ZNF800: variants seen among roughly 807,000 people sequenced by gnomAD.
ZNF800 encodes the protein zinc finger protein 800.
Under a neutral mutation model 59.5 loss-of-function variants are expected in ZNF800, and 13 were observed. That is an observed-to-expected ratio of 0.22 (90% CI 0.14 to 0.35). ZNF800 has a LOEUF of 0.35. Ranked by LOEUF, ZNF800 falls within the 10% of genes least tolerant of loss-of-function variation. The probability of loss-of-function intolerance (pLI) is 1.00; values close to 1 mark genes in which losing one functional copy is unlikely to be tolerated. For missense variants in ZNF800, 621 were observed against 783.7 expected (o/e 0.79, Z 2.48); for synonymous variants, 266 against 265.7 (o/e 1.00, Z -0.01).
rs891888428 is a variant in ZNF800 at position 127,370,430 on chromosome 7, T to C, written c.*1384A>G. The C allele has an allele frequency of 6.5e-6, 1 of 152,736 alleles. No homozygotes were observed. Among genetic ancestry groups the C allele is most frequent in the South Asian group, 2.1e-4 (1 of 4,834 alleles). The allele number at this position is 152,736 out of a possible 1,614,324, so 9.5% of individuals were successfully genotyped here. A position where few individuals can be genotyped will look rare whatever the true frequency, so the allele number is the denominator to read the frequency against. On this transcript the variant is annotated 3_prime_UTR_variant, in exon 6 of 6. Transcript: ENST00000265827. The stretch of plus-strand genomic sequence containing the variant: ...CCAACAAGAGCATGTACATTCAATA[T>C]AGAACATTTCCAGCAATAGTTACAG...
intron 1 of ZNF800, chr7:127,361,812 A>T (rs1333200716): frequency 6.6e-6 from 1 of 152,154 alleles, no homozygotes; most frequent in Non-Finnish European, 1.5e-5. Context: ...TCTAAATATA[A>T]TCTATTCTTG....
chr7:127,352,062 G>A (rs957241640), intron 1 of ZNF800, among the ~76,000 whole-genome samples: 3 of 152,118 alleles, frequency 2.0e-5, no homozygotes, highest in East Asian at 1.9e-4. Context: ...ACAGTCAAAG[G>A]CATTGTCCTA....
downstream of ZNF800, among the ~76,000 whole-genome samples, chr7:127,366,930 C>T (rs28952016): frequency 3.9e-4 from 59 of 152,216 alleles, no homozygotes; most frequent in East Asian, 0.011. Context: ...GAAGATTGAA[C>T]TCAAGCTGTA....
downstream of ZNF800, among the ~76,000 whole-genome samples, chr7:127,345,306 A>C (rs929863906): frequency 4.9e-5 from 7 of 141,458 alleles, no homozygotes; most frequent in Non-Finnish European, 9.5e-5. Flanking sequence ...CCCCCCCCCC[A>C]AAGGTAAATA....
In ZNF800 at chr7:127,392,421, G is replaced by T. The variant is rs896225684; in HGVS notation, c.-420C>A. On this transcript the variant is annotated 5_prime_UTR_variant, in exon 1 of 6. Coordinates refer to ENST00000265827, the MANE Select transcript of ZNF800 (RefSeq NM_176814.5). ...AAGGAGCCGGAACCGGAGCGGGCAG[G>T]ACCTGAGGCTTCCCTCGCCGGGGCA... The T allele has an allele frequency of 5.3e-6, 2 of 377,802 alleles. No homozygotes were observed. Among genetic ancestry groups the T allele is most frequent in the Non-Finnish European group, 9.4e-6 (2 of 213,106 alleles). 23.4% of individuals were successfully genotyped at this position (377,802 alleles called of 1,614,324 possible). A position where few individuals can be genotyped will look rare whatever the true frequency, so the allele number is the denominator to read the frequency against.
downstream of ZNF800, among the ~76,000 whole-genome samples, chr7:127,365,315 T>C (rs1430484719): frequency 6.6e-6 from 1 of 152,110 alleles, no homozygotes; most frequent in African/African-American, 2.4e-5. Context: ...AGAGAAGCTA[T>C]ACAGATTAGA....
At chr7:127,344,671 TA>T (rs1800026198), downstream of ZNF800, among the ~76,000 whole-genome samples, 3 of 152,058 alleles carry the variant, frequency 2.0e-5, no homozygotes, top group Admixed American at 6.5e-5. Flanking sequence ...ATAGAGGATA[TA>T]AAAAAATTAA....
chr7:127,367,735 C>T (rs532763042), downstream of ZNF800, among the ~76,000 whole-genome samples: 18 of 152,246 alleles, frequency 1.2e-4, no homozygotes, highest in African/African-American at 4.3e-4. Context: ...ATGGAAAAGG[C>T]TTACTTGCCT....
intron 1 of ZNF800, chr7:127,360,177 G>C (rs1340441974): frequency 1.3e-5 from 2 of 152,096 alleles, no homozygotes; most frequent in Non-Finnish European, 2.9e-5. Context: ...TACCCAGGTA[G>C]TTGGTACAAA....
intron 3 of ZNF800, among the ~76,000 whole-genome samples, chr7:127,382,759 T>C (rs1402033764): frequency 2.6e-5 from 4 of 152,156 alleles, no homozygotes; most frequent in Non-Finnish European, 4.4e-5. Flanking sequence ...CAAGAGTACG[T>C]AGAGTCAGCT....
At chr7:127,345,384 A>G (rs1800040835), downstream of ZNF800, among the ~76,000 whole-genome samples, 1 of 152,132 alleles carries the variant, frequency 6.6e-6, no homozygotes, top group South Asian at 2.1e-4. Flanking sequence ...GGACTGATAC[A>G]GCAAATGGGA....
chr7:127,390,098 G>T (rs1055557648), intron 2 of ZNF800, among the ~76,000 whole-genome samples: 6 of 151,944 alleles, frequency 3.9e-5, no homozygotes, highest in African/African-American at 1.4e-4. Context: ...TTAAAGAAAT[G>T]AATGATCAAT....
exon 2 of ZNF800, chr7:127,347,177 G>C (rs1800081555): frequency 6.6e-6 from 1 of 152,334 alleles, no homozygotes; most frequent in Non-Finnish European, 1.5e-5. Context: ...GTCTAGAACT[G>C]TGGTAGCAAG....
In ZNF800 at chr7:127,374,608, C is replaced by T. The variant is rs1444145247; in HGVS notation, c.728G>A (p.Arg243Gln). The T allele has an allele frequency of 1.9e-6, 3 of 1,614,086 alleles. No homozygotes were observed. Among genetic ancestry groups the T allele is most frequent in the African/African-American group, 1.3e-5 (1 of 75,050 alleles). Residue 243 changes from arginine (R) to glutamine (Q), a missense_variant, in exon 5 of 6, where the codon CGA becomes CAA. Physicochemically the swap from Arg to Gln is conservative, Grantham distance 43. Coordinates refer to ENST00000265827, the MANE Select transcript of ZNF800 (RefSeq NM_176814.5). ...CLCRKEFNSR[R>Q]GVRRHIRKVH... ...TTTTCGAATGTGACGGCGAACACCT[C>T]GTCTAGAATTGAATTCTTTTCTACA...
At chr7:127,379,884 GA>G (rs1800922418) in intron 3 of ZNF800, among the ~76,000 whole-genome samples, 1 of 110,008 alleles carries the variant, frequency 9.1e-6, no homozygotes, top group Non-Finnish European at 1.7e-5. Flanking sequence ...GAGAGAGAGA[GA>G]GAGAGAGGGA....
intron 2 of ZNF800, among the ~76,000 whole-genome samples, chr7:127,387,805 G>A (rs1801183351): frequency 6.6e-6 from 1 of 151,914 alleles, no homozygotes; most frequent in South Asian, 2.1e-4. Flanking sequence ...AGGTTGCAGT[G>A]AGCTGTGATC....
Position 127,392,300 on chromosome 7 carries a change from C to G in ZNF800, c.-299G>C. The G allele has an allele frequency of 7.7e-6, 3 of 388,188 alleles. No individual in the cohort carries two copies. Among genetic ancestry groups the G allele is most frequent in the Non-Finnish European group, 9.1e-6 (2 of 219,290 alleles). The allele number at this position is 388,188 out of a possible 1,614,324, so 24.0% of individuals were successfully genotyped here. A position where few individuals can be genotyped will look rare whatever the true frequency, so the allele number is the denominator to read the frequency against. ...CCGAGACGACTGCGGCGGCGGCTCA[C>G]GGCGTCCTCCGCGCTGTGTGGCTAG... On this transcript the variant is annotated 5_prime_UTR_variant, in exon 1 of 6. Transcript: ENST00000265827.
downstream of ZNF800, among the ~76,000 whole-genome samples, chr7:127,366,979 TG>T (rs1489002153): frequency 2.6e-5 from 4 of 152,026 alleles, no homozygotes; most frequent in African/African-American, 9.7e-5. Flanking sequence ...GAGCAGAGGG[TG>T]GAACGAGGCA....
At position 127,373,632 on chromosome 7, in the gene ZNF800, A is replaced by G. The variant is rs770436899; in HGVS notation, c.1704T>C (p.Val568=). 1 of 1,614,100 alleles carries G rather than the reference A, an allele frequency of 6.2e-7. No homozygotes were observed. The highest frequency in any genetic ancestry group is 1.1e-5 in the South Asian group (1 of 91,082). ...GGCCTCTTTTTGCCACTTTATTTAG[A>G]ACAAAATCAATAGGCTTTTTTATAG... ...IRAIKKPIDF[V]LNKVAKRGPS... Residue 568 remains valine (V), a synonymous_variant, in exon 5 of 6, where the codon GTT becomes GTC. Transcript: ENST00000265827.
Sources: gnomAD v4.1 joint callset for allele counts (sites outside exome capture counted in the v4.1 genomes callset) on GRCh38, gnomAD v4.1.1 for gene constraint, MANE v1.5 for transcripts, NCBI Gene and HGNC (gene_info 2026-07-23, HGNC 2026-07-21) for gene names.